The following NKAIN2 variants were observed in gnomAD, a reference collection of about 807,000 sequenced individuals.
NKAIN2 encodes the protein sodium/potassium-transporting ATPase subunit beta-1-interacting protein 2.
Under a neutral mutation model 32.6 loss-of-function variants are expected in NKAIN2, and 14 were observed. The observed-to-expected ratio is 0.43, with a 90% CI of 0.28 to 0.67. The LOEUF is 0.67. NKAIN2 is among the 30% of genes least tolerant of loss of function. The pLI is 0.17. For missense variants in NKAIN2, 198 were observed against 258.3 expected (o/e 0.77, Z 1.60); for synonymous variants, 80 against 87.2 (o/e 0.92, Z 0.46).
At chr6:123,932,593 T>G (rs1348414767) in intron 1 of NKAIN2, among the ~76,000 whole-genome samples, 1 of 151,588 alleles carries the variant, frequency 6.6e-6, no homozygotes. Flanking sequence ...ATTTTTTCTA[T>G]TTTTTAGTAG....
intron 1 of NKAIN2, among the ~76,000 whole-genome samples, chr6:124,036,773 GT>G (rs1323838025): frequency 1.3e-5 from 2 of 152,048 alleles, no homozygotes; most frequent in Admixed American, 6.6e-5. Flanking sequence ...TCAGAAGTGT[GT>G]ATGTGTTTTT....
intron 3 of NKAIN2, among the ~76,000 whole-genome samples, chr6:124,465,844 T>G (rs73772129): frequency 0.015 from 2,214 of 152,178 alleles, 46 homozygotes; most frequent in African/African-American, 0.051. Context: ...TAGAAAGTTT[T>G]AACTTTTAGA....
intron 3 of NKAIN2, among the ~76,000 whole-genome samples, chr6:124,568,425 A>G (rs1464611288): frequency 1.6e-4 from 24 of 152,192 alleles, no homozygotes; most frequent in Admixed American, 1.2e-3. Flanking sequence ...AACATTTTAC[A>G]TATATCATAT....
chr6:123,985,891 TA>T (rs1024614665), intron 1 of NKAIN2, among the ~76,000 whole-genome samples: 15 of 152,136 alleles, frequency 9.9e-5, no homozygotes, highest in African/African-American at 2.4e-4. Flanking sequence ...CAACAGCATC[TA>T]AAAAAGCCTA....
intron 3 of NKAIN2, among the ~76,000 whole-genome samples, chr6:124,408,381 TA>T: frequency 6.6e-6 from 1 of 152,328 alleles, no homozygotes; most frequent in Admixed American, 6.5e-5. Flanking sequence ...GTATGAGGTG[TA>T]AGGAAGGGAT....
intron 5 of NKAIN2, chr6:124,804,437 AT>A: frequency 1.2e-6 from 1 of 867,906 alleles, no homozygotes; most frequent in Non-Finnish European, 1.4e-6. Context: ...TATTATAGCT[AT>A]TGCTTTTCAC....
chr6:124,203,773 A>G (rs1015367789), intron 1 of NKAIN2, among the ~76,000 whole-genome samples: 1 of 151,876 alleles, frequency 6.6e-6, no homozygotes, highest in Non-Finnish European at 1.5e-5. Flanking sequence ...GGCAAATTAT[A>G]TCTACCCACA....
At chr6:124,033,867 G>T (rs1377320077) in intron 1 of NKAIN2, among the ~76,000 whole-genome samples, 1 of 152,030 alleles carries the variant, frequency 6.6e-6, no homozygotes, top group Non-Finnish European at 1.5e-5. Flanking sequence ...ATATTTTCTA[G>T]TTTAATTACA....
intron 3 of NKAIN2, among the ~76,000 whole-genome samples, chr6:124,530,111 G>A (rs1401593363): frequency 6.6e-6 from 1 of 152,196 alleles, no homozygotes; most frequent in Non-Finnish European, 1.5e-5. Flanking sequence ...CTTGAACAAT[G>A]CAGGGGCCCT....
chr6:124,805,116 C>A (rs1393852278), intron 5 of NKAIN2, among the ~76,000 whole-genome samples: 1 of 152,164 alleles, frequency 6.6e-6, no homozygotes, highest in Non-Finnish European at 1.5e-5. Context: ...ATGTCCCTGT[C>A]TGACAGCTTT....
intron 5 of NKAIN2, among the ~76,000 whole-genome samples, chr6:124,800,634 A>C (rs1390537652): frequency 1.3e-5 from 2 of 152,240 alleles, no homozygotes; most frequent in East Asian, 1.9e-4. Flanking sequence ...CTAAAATCTT[A>C]CTTAAAACAT....
intron 4 of NKAIN2, among the ~76,000 whole-genome samples, chr6:124,777,159 T>C (rs1039630526): frequency 3.9e-5 from 6 of 152,214 alleles, no homozygotes; most frequent in Non-Finnish European, 7.3e-5. Flanking sequence ...AAAGTGCAGA[T>C]GGAAAGTTAT....
chr6:124,249,948 T>G (rs1442426595), intron 1 of NKAIN2, among the ~76,000 whole-genome samples: 1 of 152,146 alleles, frequency 6.6e-6, no homozygotes, highest in Non-Finnish European at 1.5e-5. Flanking sequence ...TCTGTCTTGA[T>G]CTTGGTACTA....
intron 1 of NKAIN2, among the ~76,000 whole-genome samples, chr6:123,960,266 T>A (rs1777783906): frequency 6.6e-6 from 1 of 152,200 alleles, no homozygotes; most frequent in Admixed American, 6.5e-5. Context: ...CGGTCTCTGG[T>A]TAAATGCTAA....
At chr6:124,761,627 T>C (rs1404322361) in intron 4 of NKAIN2, among the ~76,000 whole-genome samples, 1 of 152,202 alleles carries the variant, frequency 6.6e-6, no homozygotes, top group Non-Finnish European at 1.5e-5. Flanking sequence ...TCTGAAAATA[T>C]GCTTTCAAAC....
At chr6:124,467,229 C>A (rs978281873) in intron 3 of NKAIN2, among the ~76,000 whole-genome samples, 8 of 152,010 alleles carry the variant, frequency 5.3e-5, no homozygotes, top group Admixed American at 1.3e-4. Context: ...AATAAGCAAC[C>A]TATGTAAGAA....
At chr6:124,433,437 C>G (rs1256615302) in intron 3 of NKAIN2, among the ~76,000 whole-genome samples, 2 of 152,172 alleles carry the variant, frequency 1.3e-5, no homozygotes, top group Non-Finnish European at 2.9e-5. Context: ...CATTTTCTGT[C>G]ACCAGCCCCT....
intron 1 of NKAIN2, among the ~76,000 whole-genome samples, chr6:124,191,652 G>C (rs1443707488): frequency 6.6e-6 from 1 of 152,028 alleles, no homozygotes; most frequent in South Asian, 2.1e-4. Flanking sequence ...GATATAATGA[G>C]AGCAGACATC....
At chr6:124,474,980 C>T (rs1777142458) in intron 3 of NKAIN2, among the ~76,000 whole-genome samples, 1 of 148,282 alleles carries the variant, frequency 6.7e-6, no homozygotes, top group South Asian at 2.1e-4. Flanking sequence ...GACACGCATG[C>T]ATATATATAT....
Sources: allele counts gnomAD v4.1 joint callset (sites outside exome capture counted in the v4.1 genomes callset), GRCh38; gene constraint gnomAD v4.1.1; transcripts MANE v1.5; gene names NCBI Gene and HGNC (gene_info 2026-07-23, HGNC 2026-07-21).